Variants in KANK1 observed in about 807,000 individuals in gnomAD.
KANK1 encodes the protein KN motif and ankyrin repeat domain-containing protein 1.
Under a neutral mutation model 106.2 loss-of-function variants are expected in KANK1, and 109 were observed. That is an observed-to-expected ratio of 1.03 (90% confidence interval 0.88 to 1.20). KANK1 has a LOEUF of 1.20. Ranked by LOEUF, KANK1 falls within the 50% of genes most tolerant of loss-of-function variation. The probability of loss-of-function intolerance (pLI) is 0.00; values close to 1 mark genes in which losing one functional copy is unlikely to be tolerated. For missense variants in KANK1, 2,399 were observed against 1,710.7 expected (o/e 1.40, Z -7.10); for synonymous variants, 873 against 652.2 (o/e 1.34, Z -5.16).
At chr9:501,754 G>T (rs992498321), upstream of KANK1, among the ~76,000 whole-genome samples, 1 of 151,926 alleles carries the variant, frequency 6.6e-6, no homozygotes, top group African/African-American at 2.4e-5. Context: ...TCACTTTATT[G>T]CCCAGGCTGG....
In KANK1 at chr9:497,863, A is replaced by C. The variant is rs866317439; in HGVS notation, c.-362+24590A>C. 1.0e-3 allele frequency among the ~76,000 whole-genome samples: 153 copies of C among 151,764 alleles called. 1 individual carries two copies. Among genetic ancestry groups the C allele is most frequent in the African/African-American group, 3.6e-3 (149 of 41,232 alleles). On this transcript the variant is annotated intron_variant, in intron 3 of 15. Coordinates refer to the KANK1 transcript ENST00000382303. ...GTGAGACCCTGTATTAACCCCCCAC[A>C]CACACACACCCACACACACAAGAGT...
chr9:585,540 A>G (rs1823250827), intron 1 of KANK1, among the ~76,000 whole-genome samples: 1 of 152,192 alleles, frequency 6.6e-6, no homozygotes, highest in Non-Finnish European at 1.5e-5. Context: ...GAACCGATCC[A>G]AAAAATATGT....
chr9:676,883 G>C lies in KANK1; in HGVS notation c.-83-7G>C. The C allele has an allele frequency of 1.0e-6, 1 of 983,262 alleles. No individual in the cohort carries two copies. The highest frequency in any genetic ancestry group is 1.6e-6 in the Non-Finnish European group (1 of 621,388). 60.9% of individuals were successfully genotyped at this position (983,262 alleles called of 1,614,324 possible). On this transcript the variant is annotated splice_region_variant and splice_polypyrimidine_tract_variant and intron_variant, in intron 1 of 11. Coordinates refer to ENST00000382297, the MANE Select transcript of KANK1 (RefSeq NM_015158.5). Reference sequence around the variant, plus strand: ...CCATTTTGATGGGGCTCTCTTTATTGTTTCAGGTTGAATGCCTTTGAGAAC... The same window carrying C: ...CCATTTTGATGGGGCTCTCTTTATTCTTTCAGGTTGAATGCCTTTGAGAAC...
intron 1 of KANK1, among the ~76,000 whole-genome samples, chr9:651,357 A>G (rs1454251976): frequency 6.6e-6 from 1 of 152,164 alleles, no homozygotes; most frequent in Non-Finnish European, 1.5e-5. Flanking sequence ...CTGTCTTTTT[A>G]TATAATACAG....
At chr9:705,582 A>T (rs961034740) in intron 2 of KANK1, among the ~76,000 whole-genome samples, 1 of 151,768 alleles carries the variant, frequency 6.6e-6, no homozygotes, top group Non-Finnish European at 1.5e-5. Flanking sequence ...AATGAAAAAA[A>T]AAATGTATAT....
At chr9:680,520 A>G (rs1202894029) in intron 2 of KANK1, among the ~76,000 whole-genome samples, 1 of 152,214 alleles carries the variant, frequency 6.6e-6, no homozygotes, top group Admixed American at 6.5e-5. Flanking sequence ...GCACCTTTGT[A>G]CACACTACTT....
intron 1 of KANK1, 112 bp from the exon 2 acceptor site, chr9:676,778 C>T (rs1038723013): frequency 7.6e-6 from 4 of 522,916 alleles, no homozygotes; most frequent in African/African-American, 1.9e-5. Context: ...TTTCTCCCCC[C>T]ATTCCGATTT....
chr9:716,689 G>A (rs1411868678), intron 3 of KANK1, among the ~76,000 whole-genome samples: 1 of 152,156 alleles, frequency 6.6e-6, no homozygotes, highest in Non-Finnish European at 1.5e-5. Flanking sequence ...GCAAAAAAGT[G>A]TTATTTTTAG....
chr9:644,065 C>G (rs1839119659), intron 1 of KANK1, among the ~76,000 whole-genome samples: 1 of 150,866 alleles, frequency 6.6e-6, no homozygotes, highest in African/African-American at 2.5e-5. Flanking sequence ...TCATTAGAAG[C>G]ATGATTTGTT....
intron 3 of KANK1, among the ~76,000 whole-genome samples, chr9:486,731 T>C (rs544454373): frequency 1.3e-5 from 2 of 152,308 alleles, no homozygotes; most frequent in Non-Finnish European, 2.9e-5. Context: ...ATTTCCGTCA[T>C]TATAAAAAAA....
At chr9:579,809 A>G (rs1821557733) in intron 1 of KANK1, among the ~76,000 whole-genome samples, 1 of 152,200 alleles carries the variant, frequency 6.6e-6, no homozygotes, top group Admixed American at 6.5e-5. Flanking sequence ...CCCCACACTT[A>G]GAAAGTAATC....
chr9:662,818 C>T (rs1173435148), intron 1 of KANK1, among the ~76,000 whole-genome samples: 6 of 152,034 alleles, frequency 3.9e-5, no homozygotes, highest in East Asian at 1.9e-4. Flanking sequence ...CCCGCCACCA[C>T]GCCTGGCTAA....
intron 1 of KANK1, chr9:558,908 T>C (rs1815617479): frequency 6.6e-6 from 1 of 152,074 alleles, no homozygotes; most frequent in Non-Finnish European, 1.5e-5. Context: ...ATGACACAAA[T>C]TCGTGAAGCG....
intron 1 of KANK1, among the ~76,000 whole-genome samples, chr9:581,844 A>C (rs1006816880): frequency 1.3e-5 from 2 of 152,132 alleles, no homozygotes; most frequent in Admixed American, 6.5e-5. Context: ...GTCAGCATCC[A>C]GCCATCCTCC....
At chr9:554,074 A>G (rs2061434237) in intron 1 of KANK1, among the ~76,000 whole-genome samples, 1 of 152,194 alleles carries the variant, frequency 6.6e-6, no homozygotes, top group Admixed American at 6.5e-5. Flanking sequence ...AAGAGACAGC[A>G]TAGGTATATT....
At position 711,661 on chromosome 9, in the gene KANK1, A is replaced by G; in HGVS notation, c.895A>G (p.Arg299Gly). 6.2e-7 allele frequency: 1 copy of G among 1,614,194 alleles called. No individual in the cohort carries two copies. The highest frequency in any genetic ancestry group is 2.2e-5 in the East Asian group (1 of 44,888). ...GATCTCTGTCTTGCAAGAAGAGAAAAGGCAGTTGGTCTCACAGCTGAAAAA... is the reference window on the plus strand; with the variant it reads ...GATCTCTGTCTTGCAAGAAGAGAAAGGGCAGTTGGTCTCACAGCTGAAAAA... The part of the protein sequence containing the change: ...VKISVLQEEK[R>G]QLVSQLKNQR... The change falls in exon 3 of 12, where the codon AGG (arginine) becomes GGG (glycine). Residue 299 changes from arginine (R) to glycine (G), a missense_variant. Arg to Gly is a moderately radical substitution (Grantham distance 125, BLOSUM62 -2). Coordinates refer to ENST00000382297, the MANE Select transcript of KANK1 (RefSeq NM_015158.5).
intron 1 of KANK1, among the ~76,000 whole-genome samples, chr9:675,387 C>G (rs757676006): frequency 2.0e-5 from 3 of 152,076 alleles, no homozygotes; most frequent in African/African-American, 7.2e-5. Flanking sequence ...TTTCATGGGT[C>G]TAGAGTCAGA....
At chr9:696,048 T>C (rs1215701803) in intron 2 of KANK1, among the ~76,000 whole-genome samples, 1 of 151,774 alleles carries the variant, frequency 6.6e-6, no homozygotes, top group Non-Finnish European at 1.5e-5. Flanking sequence ...ATCCCAGCAC[T>C]TTGGGAAGCC....
intron 3 of KANK1, among the ~76,000 whole-genome samples, chr9:496,965 G>A (rs896995312): frequency 1.3e-5 from 2 of 152,126 alleles, no homozygotes; most frequent in African/African-American, 4.8e-5. Flanking sequence ...AATTATGAAT[G>A]AAGATTACTC....
Sources: allele counts gnomAD v4.1 joint callset (sites outside exome capture counted in the v4.1 genomes callset), GRCh38; gene constraint gnomAD v4.1.1; transcripts MANE v1.5; gene names NCBI Gene and HGNC (gene_info 2026-07-23, HGNC 2026-07-21).